The following PTPRG variants were observed in gnomAD, a reference collection of about 807,000 sequenced individuals.
PTPRG encodes receptor-type tyrosine-protein phosphatase gamma.
PTPRG carries 102 observed loss-of-function variants against 165.3 expected under a neutral mutation model. The observed-to-expected ratio is 0.62, with a 90% CI of 0.53 to 0.73. PTPRG has a LOEUF of 0.73. Among genes scored for constraint, PTPRG ranks in the 30% least tolerant of loss-of-function variants. The pLI, the probability that PTPRG is intolerant of heterozygous loss-of-function variation, is 0.00. For synonymous variants in PTPRG, 675 were observed against 669.5 expected, an observed-to-expected ratio of 1.01 and a Z score of -0.13; for missense variants, 1,866 against 1,861.4, an observed-to-expected ratio of 1.00 and a Z score of -0.05.
chr3:61,679,889 T>G (rs1333865954), intron 1 of PTPRG, among the ~76,000 whole-genome samples: 1 of 151,880 alleles, frequency 6.6e-6, no homozygotes, highest in Non-Finnish European at 1.5e-5. Flanking sequence ...AAGTAAAGAG[T>G]GATCCCAAGG....
Position 62,099,923 on chromosome 3 carries a change from G to A in PTPRG, c.615+21665G>A, listed in dbSNP as rs550622137. Among the ~76,000 whole-genome samples the A allele has an allele frequency of 4.0e-5, 6 of 149,878 alleles. No homozygotes were observed. In the South Asian group the frequency reaches 8.5e-4, roughly 21 times the overall value. On this transcript the variant is annotated intron_variant, in intron 5 of 29. Coordinates refer to ENST00000474889, the MANE Select transcript of PTPRG (RefSeq NM_002841.4). The stretch of plus-strand genomic sequence containing the variant: ...AAGCGATTCTCCTGCCTCAGCCTCC[G>A]GAGTAGCTGGGACTACAGGCGTGCA...
Position 62,240,326 on chromosome 3 carries a change from C to G in PTPRG, c.2376-3481C>G, listed in dbSNP as rs535994610. The stretch of plus-strand genomic sequence containing the variant: ...CTCCAGCCTGGATGACAGAGCGAGA[C>G]TCCATCTCAAAATAAAATAAAATAC... On this transcript the variant is annotated intron_variant, in intron 14 of 29. Transcript: ENST00000474889. The surrounding 1 kb of genome is among the most constrained non-coding windows in gnomAD (Gnocchi z 5.1). 6.6e-6 allele frequency among the ~76,000 whole-genome samples: 1 copy of G among 152,016 alleles called. No individual in the cohort carries two copies. The highest frequency in any genetic ancestry group is 2.4e-5 in the African/African-American group (1 of 41,368).
At chr3:61,755,812 T>G (rs866209207) in intron 2 of PTPRG, among the ~76,000 whole-genome samples, 6 of 152,170 alleles carry the variant, frequency 3.9e-5, no homozygotes, top group African/African-American at 1.4e-4. Context: ...CCTTATGATA[T>G]TATTCTACTA....
intron 17 of PTPRG, among the ~76,000 whole-genome samples, chr3:62,266,202 A>T (rs1701869390): frequency 6.6e-6 from 1 of 152,126 alleles, no homozygotes; most frequent in South Asian, 2.1e-4. Flanking sequence ...TCTCTTGGCC[A>T]CTCAGATTCT....
At chr3:61,670,606 C>G (rs9843648) in intron 1 of PTPRG, among the ~76,000 whole-genome samples, 1 of 152,172 alleles carries the variant, frequency 6.6e-6, no homozygotes, top group African/African-American at 2.4e-5. Context: ...CCCACTAACT[C>G]ATTAACCTCT....
intron 1 of PTPRG, among the ~76,000 whole-genome samples, chr3:61,600,121 C>G (rs1700810544): frequency 6.7e-6 from 1 of 148,478 alleles, no homozygotes; most frequent in Non-Finnish European, 1.5e-5. Context: ...GAGCAAGCCA[C>G]TATACTCCAG....
intron 5 of PTPRG, among the ~76,000 whole-genome samples, chr3:62,082,029 C>T (rs1701600035): frequency 6.6e-6 from 1 of 152,156 alleles, no homozygotes; most frequent in Non-Finnish European, 1.5e-5. Flanking sequence ...TTGAACTCCT[C>T]TACTTGTAAA....
chr3:61,602,705 T>G (rs538059393), intron 1 of PTPRG, among the ~76,000 whole-genome samples: 2 of 152,322 alleles, frequency 1.3e-5, no homozygotes, highest in South Asian at 4.1e-4. Flanking sequence ...AGGGCCAGGC[T>G]TGGTTTAGAC....
chr3:62,139,905 T>A (rs1703858990), intron 6 of PTPRG, among the ~76,000 whole-genome samples: 1 of 152,186 alleles, frequency 6.6e-6, no homozygotes, highest in Non-Finnish European at 1.5e-5. Context: ...TTTGCAAATA[T>A]GCATTGACTG....
chr3:62,189,984 C>T (rs1300519939), intron 8 of PTPRG, among the ~76,000 whole-genome samples: 1 of 152,170 alleles, frequency 6.6e-6, no homozygotes, highest in African/African-American at 2.4e-5. Flanking sequence ...TCTCAGCTCT[C>T]AGTTACATGA....
chr3:62,093,153 C>T (rs1701997964), intron 5 of PTPRG, among the ~76,000 whole-genome samples: 2 of 152,194 alleles, frequency 1.3e-5, no homozygotes. Context: ...AAATAGTGCA[C>T]ACAGGTTGAG....
In PTPRG at chr3:62,117,741, C is replaced by T. The variant is rs115914855; in HGVS notation, c.616-14861C>T. On this transcript the variant is annotated intron_variant, in intron 5 of 29. Coordinates refer to ENST00000474889, the MANE Select transcript of PTPRG (RefSeq NM_002841.4). ...CTACTAATATCACAATTACACAATT[C>T]ACAGGGTTCGAGCATCTGACTGGCA... 4.7e-3 allele frequency among the ~76,000 whole-genome samples: 717 copies of T among 152,280 alleles called. 7 individuals are homozygous for T. The highest frequency in any genetic ancestry group is 0.014 in the African/African-American group (562 of 41,550).
chr3:61,950,392 T>A (rs2039871037), intron 2 of PTPRG, among the ~76,000 whole-genome samples: 1 of 152,190 alleles, frequency 6.6e-6, no homozygotes, highest in Admixed American at 6.5e-5. Context: ...TTGTGGAAGT[T>A]GTATCTTATG....
rs1700952191 is a variant in PTPRG at position 62,233,463 on chromosome 3, G to C, written c.2375+2152G>C. ...GAAAGACAGGGTGCCCCCTACCTCT[G>C]TCAGGCTTCTGCAGGAGGCTGGAAT... On this transcript the variant is annotated intron_variant, in intron 14 of 29. Transcript: ENST00000474889. The surrounding 1 kb of genome is among the most constrained non-coding windows in gnomAD (Gnocchi z 4.7). 6.6e-6 allele frequency among the ~76,000 whole-genome samples: 1 copy of C among 152,154 alleles called. No homozygotes were observed.
At position 61,817,233 on chromosome 3, in the gene PTPRG, T is replaced by C. The variant is rs186776337; in HGVS notation, c.190+68251T>C. Among the ~76,000 whole-genome samples, 40 of 141,660 alleles carry C rather than the reference T, an allele frequency of 2.8e-4. No homozygotes were observed. In the East Asian group the frequency reaches 7.9e-3, roughly 28 times the overall value. The allele number at this position is 141,660 out of a possible 152,430, so 92.9% of individuals were successfully genotyped here. ...AATAATATATATAAATATATATTTATAGAGAGCTGTTGGGAATCTCCATCA... is the reference window on the plus strand; with the variant it reads ...AATAATATATATAAATATATATTTACAGAGAGCTGTTGGGAATCTCCATCA... On this transcript the variant is annotated intron_variant, in intron 2 of 29. Transcript: ENST00000474889.
At chr3:62,057,086 A>G (rs913539982) in intron 4 of PTPRG, among the ~76,000 whole-genome samples, 1 of 152,234 alleles carries the variant, frequency 6.6e-6, no homozygotes, top group Non-Finnish European at 1.5e-5. Context: ...GAGAAAGGCA[A>G]ATGACTCTGA....
At chr3:61,581,925 C>G (rs1419469276) in intron 1 of PTPRG, among the ~76,000 whole-genome samples, 2 of 151,698 alleles carry the variant, frequency 1.3e-5, no homozygotes, top group Admixed American at 1.3e-4. Flanking sequence ...CCTTCTTTAT[C>G]TTGGCATGTA....
chr3:61,664,736 T>C (rs1382568376), intron 1 of PTPRG, among the ~76,000 whole-genome samples: 1 of 151,940 alleles, frequency 6.6e-6, no homozygotes, highest in East Asian at 1.9e-4. Context: ...GAGGCTGGGG[T>C]GGGAGGCTCC....
At chr3:62,009,401 C>G (rs1024944951) in intron 4 of PTPRG, among the ~76,000 whole-genome samples, 1 of 152,184 alleles carries the variant, frequency 6.6e-6, no homozygotes, top group African/African-American at 2.4e-5. Flanking sequence ...TGACCTTGTT[C>G]TGTGATCGAT....
Sources: allele counts gnomAD v4.1 joint callset (sites outside exome capture counted in the v4.1 genomes callset), GRCh38; gene constraint gnomAD v4.1.1; non-coding constraint Gnocchi (gnomAD v3.1); transcripts MANE v1.5; gene names NCBI Gene and HGNC (gene_info 2026-07-23, HGNC 2026-07-21).